The following PRMT8 variants were observed in gnomAD, a reference collection of about 807,000 sequenced individuals.
PRMT8 encodes protein arginine N-methyltransferase 8.
In PRMT8, 7 loss-of-function variants were observed where a neutral mutation model predicts 47.1. The observed-to-expected ratio is 0.15, with a 90% CI of 0.08 to 0.28. The LOEUF is 0.28. Ranked by LOEUF, PRMT8 falls within the 10% of genes least tolerant of loss-of-function variation. PRMT8 has a pLI of 1.00. For synonymous variants in PRMT8, 188 were observed against 186.5 expected, an observed-to-expected ratio of 1.01 and a Z score of -0.07; for missense variants, 237 against 505.4, an observed-to-expected ratio of 0.47 and a Z score of 5.09.
At chr12:3,561,566 G>T (rs1388323945) in intron 4 of PRMT8, among the ~76,000 whole-genome samples, 2 of 152,120 alleles carry the variant, frequency 1.3e-5, no homozygotes, top group African/African-American at 4.8e-5. Flanking sequence ...CTACGGTGAG[G>T]GTGGAAGCTC....
chr12:3,590,858 A>T (rs1407141594), intron 8 of PRMT8, among the ~76,000 whole-genome samples: 1 of 152,184 alleles, frequency 6.6e-6, no homozygotes, highest in Non-Finnish European at 1.5e-5. Flanking sequence ...TACCAAGCAC[A>T]GAGGCAGGCA....
intron 1 of PRMT8, among the ~76,000 whole-genome samples, chr12:3,527,368 C>G (rs749824183): frequency 6.6e-6 from 1 of 151,922 alleles, no homozygotes; most frequent in Non-Finnish European, 1.5e-5. Flanking sequence ...ATATGCTGGA[C>G]AAAGGGATGA....
intron 1 of PRMT8, among the ~76,000 whole-genome samples, chr12:3,498,562 C>T (rs1865543582): frequency 1.3e-5 from 2 of 152,194 alleles, no homozygotes; most frequent in Non-Finnish European, 2.9e-5. Flanking sequence ...GCCATCACCT[C>T]ACTCTCCCTG....
chr12:3,471,161 G>A (rs1266053197), intron 1 of PRMT8, among the ~76,000 whole-genome samples: 1 of 152,122 alleles, frequency 6.6e-6, no homozygotes, highest in African/African-American at 2.4e-5. Context: ...AGATTGGACT[G>A]AGACCCAAAG....
chr12:3,569,177 T>TA lies in PRMT8; in HGVS notation c.625-299dup, dbSNP rs1402219133. Among the ~76,000 whole-genome samples, 1 of 152,232 alleles carries TA rather than the reference T, an allele frequency of 6.6e-6. No individual in the cohort carries two copies. The highest frequency in any genetic ancestry group is 1.5e-5 in the Non-Finnish European group (1 of 68,026). ...GCATGGCTGCCAGAGCCAGGTGTGC[T>TA]ATTCATCTGGGCTTCTCCAGGCCAA... On this transcript the variant is annotated intron_variant, in intron 5 of 9. Transcript: ENST00000382622. The surrounding 1 kb of genome is among the most constrained non-coding windows in gnomAD (Gnocchi z 8.2).
chr12:3,538,791 G>C lies in PRMT8; in HGVS notation c.76-1815G>C. ...GAGACCGTGACCAACATCCCAAGCTGAGAGTGGGCACACCTGCTGCATTCT... is the reference window on the plus strand; with the variant it reads ...GAGACCGTGACCAACATCCCAAGCTCAGAGTGGGCACACCTGCTGCATTCT... On this transcript the variant is annotated intron_variant, in intron 1 of 9. Transcript: ENST00000382622. This position sits in a 1 kb window ranked among gnomAD's most constrained non-coding sequence, Gnocchi z 4.6. 1 of 516,328 alleles carries C rather than the reference G, an allele frequency of 1.9e-6. No homozygotes were observed. Among genetic ancestry groups the C allele is most frequent in the South Asian group, 1.4e-5 (1 of 71,354 alleles). The allele number at this position is 516,328 out of a possible 1,614,324, so 32.0% of individuals were successfully genotyped here. A position where few individuals can be genotyped will look rare whatever the true frequency, so the allele number is the denominator to read the frequency against.
chr12:3,554,509 C>G (rs1328431086), intron 4 of PRMT8, among the ~76,000 whole-genome samples: 1 of 152,172 alleles, frequency 6.6e-6, no homozygotes, highest in Non-Finnish European at 1.5e-5. Flanking sequence ...AACTGGTAGA[C>G]AGGAAGTTGC....
At chr12:3,388,779 G>A (rs894026442) in intron 1 of PRMT8, among the ~76,000 whole-genome samples, 5 of 152,246 alleles carry the variant, frequency 3.3e-5, no homozygotes, top group Non-Finnish European at 5.9e-5. Flanking sequence ...TTCTTATCTC[G>A]CTTGCTCCAG....
intron 1 of PRMT8, among the ~76,000 whole-genome samples, chr12:3,418,629 G>T (rs2137059694): frequency 6.6e-6 from 1 of 152,264 alleles, no homozygotes; most frequent in Non-Finnish European, 1.5e-5. Flanking sequence ...GTGGAGGCGG[G>T]GATTACTCTA....
chr12:3,533,389 G>A (rs2137156246), intron 1 of PRMT8, among the ~76,000 whole-genome samples: 1 of 152,332 alleles, frequency 6.6e-6, no homozygotes, highest in South Asian at 2.1e-4. Flanking sequence ...GCCCAGGATG[G>A]CTTTGAATGT....
intron 1 of PRMT8, chr12:3,463,096 T>C (rs548099367): frequency 2.6e-5 from 4 of 152,258 alleles, no homozygotes; most frequent in African/African-American, 9.6e-5. Flanking sequence ...GACACAAACA[T>C]CCAAATTATA....
chr12:3,575,558 C>A (rs763101351), intron 6 of PRMT8, among the ~76,000 whole-genome samples: 3 of 152,188 alleles, frequency 2.0e-5, no homozygotes, highest in Non-Finnish European at 2.9e-5. Context: ...CTTGAGCCCT[C>A]GCCCCCCTGT....
rs887008741 is a variant in PRMT8 at position 3,381,609 on chromosome 12, G to A, written c.48+167G>A. Among the ~76,000 whole-genome samples, 7 of 152,206 alleles carry A rather than the reference G, an allele frequency of 4.6e-5. No homozygotes were observed. The South Asian group carries it at 1.5e-3, about 32-fold the overall frequency. On this transcript the variant is annotated intron_variant, in intron 1 of 9. Transcript: ENST00000452611. ...CATAACATGCTGCTCTGGGCTTTGC[G>A]GCTCCACAGTCTTGTTGACTGTACA...
chr12:3,495,957 C>T (rs956172872), intron 1 of PRMT8, among the ~76,000 whole-genome samples: 2 of 151,860 alleles, frequency 1.3e-5, no homozygotes, highest in Admixed American at 6.6e-5. Context: ...CAGTAATTAT[C>T]GACTCTTACT....
intron 1 of PRMT8, among the ~76,000 whole-genome samples, chr12:3,460,447 T>C (rs1471766532): frequency 6.6e-6 from 1 of 152,240 alleles, no homozygotes; most frequent in East Asian, 1.9e-4. Context: ...ACTTGTAGAC[T>C]TGTAAACAAC....
chr12:3,533,563 C>A (rs1433718299), intron 1 of PRMT8, among the ~76,000 whole-genome samples: 1 of 152,252 alleles, frequency 6.6e-6, no homozygotes, highest in Non-Finnish European at 1.5e-5. Flanking sequence ...TGACCCTCCT[C>A]CCCTTTGCCC....
chr12:3,383,740 G>C (rs749244349), intron 1 of PRMT8, among the ~76,000 whole-genome samples: 1 of 152,148 alleles, frequency 6.6e-6, no homozygotes, highest in Non-Finnish European at 1.5e-5. Context: ...CCCGCTCTAG[G>C]GCATTTTGTT....
At chr12:3,537,079 A>C (rs531290782) in intron 1 of PRMT8, among the ~76,000 whole-genome samples, 1 of 152,302 alleles carries the variant, frequency 6.6e-6, no homozygotes, top group Admixed American at 6.5e-5. Context: ...CTTCAAGTAC[A>C]TTTTACCAAA....
intron 1 of PRMT8, among the ~76,000 whole-genome samples, chr12:3,462,239 C>T (rs905880919): frequency 6.6e-5 from 10 of 151,968 alleles, no homozygotes; most frequent in African/African-American, 9.7e-5. Context: ...CTTTTTATGC[C>T]GTGAATGTTC....
Sources: gnomAD v4.1 joint callset for allele counts (sites outside exome capture counted in the v4.1 genomes callset) on GRCh38, gnomAD v4.1.1 for gene constraint, Gnocchi (gnomAD v3.1) non-coding constraint, MANE v1.5 for transcripts, NCBI Gene and HGNC (gene_info 2026-07-23, HGNC 2026-07-21) for gene names.